Variants in RBFOX2 observed in about 807,000 individuals in gnomAD.
RBFOX2 encodes RNA binding fox-1 homolog 2.
A neutral mutation model predicts 49.1 loss-of-function variants in RBFOX2; 10 were observed. The observed-to-expected ratio is 0.20, with a 90% confidence interval of 0.13 to 0.35. RBFOX2 has a LOEUF of 0.35. RBFOX2 is among the 10% of genes least tolerant of loss of function. The probability of loss-of-function intolerance (pLI) is 1.00; values close to 1 mark genes in which losing one functional copy is unlikely to be tolerated. For missense variants in RBFOX2, 323 were observed against 486.9 expected, an observed-to-expected ratio of 0.66 and a Z score of 3.17; for synonymous variants, 183 against 187.4, an observed-to-expected ratio of 0.98 and a Z score of 0.19.
chr22:35,955,752 T>C (rs2055479863), intron 1 of RBFOX2, among the ~76,000 whole-genome samples: 1 of 152,064 alleles, frequency 6.6e-6, no homozygotes, highest in African/African-American at 2.4e-5. Flanking sequence ...CCGTGTGGCC[T>C]GGTTCCTAAC....
intron 2 of RBFOX2, among the ~76,000 whole-genome samples, chr22:35,786,432 T>C (rs144398853): frequency 2.2e-4 from 34 of 152,308 alleles, no homozygotes; most frequent in African/African-American, 7.5e-4. Context: ...CATACATAGA[T>C]AAAAATACAT....
chr22:35,897,995 T>C (rs778165547), intron 1 of RBFOX2: 4 of 743,268 alleles, frequency 5.4e-6, no homozygotes, highest in Non-Finnish European at 7.3e-6. Context: ...TCAAAGTTTT[T>C]GGTTTCCCAG....
intron 1 of RBFOX2, among the ~76,000 whole-genome samples, chr22:35,956,220 T>A (rs1305045701): frequency 6.6e-6 from 1 of 152,332 alleles, no homozygotes. Flanking sequence ...ACCAATCTCA[T>A]CTGAAAAGTC....
intron 1 of RBFOX2, chr22:35,961,534 A>C (rs2056207597): frequency 1.5e-6 from 2 of 1,300,614 alleles, no homozygotes. Context: ...CCACTCCACC[A>C]CCCCCCACAC....
chr22:35,783,745 C>A lies in RBFOX2; in HGVS notation c.253-1999G>T, dbSNP rs1945753393. On this transcript the variant is annotated intron_variant, in intron 2 of 11. Coordinates refer to ENST00000405409, the Ensembl canonical transcript of RBFOX2. ...AGACACCACGTGTCCTGCATGGAAT[C>A]ACTGATTGGCCAATAGCAGGGCCCA... 3.3e-5 allele frequency among the ~76,000 whole-genome samples: 5 copies of A among 152,196 alleles called. No homozygotes were observed. The South Asian group carries it at 1.0e-3, about 32-fold the overall frequency.
chr22:35,957,969 A>G (rs965503174), intron 1 of RBFOX2, among the ~76,000 whole-genome samples: 6 of 152,212 alleles, frequency 3.9e-5, no homozygotes, highest in African/African-American at 1.4e-4. Flanking sequence ...AAAAAACAAA[A>G]GATACCTCTT....
chr22:35,788,945 T>C (rs540862128), intron 2 of RBFOX2, among the ~76,000 whole-genome samples: 22 of 152,306 alleles, frequency 1.4e-4, no homozygotes, highest in African/African-American at 5.1e-4. Context: ...GGTCCTCTAA[T>C]TTTCACATCT....
chr22:35,905,827 T>C (rs892635036), intron 1 of RBFOX2, among the ~76,000 whole-genome samples: 4 of 152,296 alleles, frequency 2.6e-5, no homozygotes, highest in African/African-American at 7.2e-5. Flanking sequence ...CAGTCAATGA[T>C]GGAACACATA....
At chr22:35,768,019 G>GCA (rs923628377) in intron 5 of RBFOX2, among the ~76,000 whole-genome samples, 3 of 151,382 alleles carry the variant, frequency 2.0e-5, no homozygotes, top group African/African-American at 4.9e-5. Context: ...ACACACACAC[G>GCA]CACACACACA....
At chr22:35,839,122 GA>G (rs2148824560) in intron 1 of RBFOX2, among the ~76,000 whole-genome samples, 1 of 152,328 alleles carries the variant, frequency 6.6e-6, no homozygotes, top group South Asian at 2.1e-4. Context: ...AACCTGGAGT[GA>G]AACTGATCTT....
intron 2 of RBFOX2, among the ~76,000 whole-genome samples, chr22:35,785,111 C>T (rs928189850): frequency 1.3e-5 from 2 of 152,188 alleles, no homozygotes; most frequent in Non-Finnish European, 2.9e-5. Context: ...GATCCTCCCA[C>T]CTCAGCCTCC....
At chr22:36,008,120 G>A (rs1357733834) in intron 1 of RBFOX2, among the ~76,000 whole-genome samples, 1 of 152,116 alleles carries the variant, frequency 6.6e-6, no homozygotes, top group Non-Finnish European at 1.5e-5. Context: ...GAAGTTATGT[G>A]ACTTTTCACC....
chr22:35,980,706 A>C (rs145241866), intron 1 of RBFOX2, among the ~76,000 whole-genome samples: 33 of 152,246 alleles, frequency 2.2e-4, no homozygotes, highest in African/African-American at 7.9e-4. Flanking sequence ...CAGACCATAC[A>C]CCATTTACAA....
chr22:35,819,008 T>A (rs1469692631), intron 1 of RBFOX2, among the ~76,000 whole-genome samples: 3 of 152,114 alleles, frequency 2.0e-5, no homozygotes, highest in Non-Finnish European at 4.4e-5. Context: ...CAAAACACAT[T>A]TTGTCTACAA....
intron 1 of RBFOX2, among the ~76,000 whole-genome samples, chr22:35,950,408 A>C (rs923617692): frequency 6.6e-6 from 1 of 152,150 alleles, no homozygotes; most frequent in Admixed American, 6.5e-5. Context: ...TCCAGGTCCC[A>C]TTGTGCTTGC....
chr22:35,973,207 G>A (rs2056972532), intron 1 of RBFOX2, among the ~76,000 whole-genome samples: 1 of 152,122 alleles, frequency 6.6e-6, no homozygotes, highest in Non-Finnish European at 1.5e-5. Context: ...TCCTCCATGA[G>A]CCTTCTTTGA....
chr22:35,751,963 C>T (rs967912740), intron 9 of RBFOX2, among the ~76,000 whole-genome samples: 1 of 152,160 alleles, frequency 6.6e-6, no homozygotes, highest in African/African-American at 2.4e-5. Flanking sequence ...GAAAAGCCAT[C>T]GACTATTTTC....
intron 1 of RBFOX2, among the ~76,000 whole-genome samples, chr22:35,867,308 A>C (rs1331893010): frequency 6.6e-6 from 1 of 152,252 alleles, no homozygotes; most frequent in Non-Finnish European, 1.5e-5. Context: ...AGTTTAATGA[A>C]AACAAAATCT....
intron 1 of RBFOX2, among the ~76,000 whole-genome samples, chr22:35,934,139 G>A (rs879218016): frequency 6.6e-6 from 1 of 150,980 alleles, no homozygotes; most frequent in East Asian, 1.9e-4. Flanking sequence ...AAATTGCTCT[G>A]AATGTCATCA....
Sources: gnomAD v4.1 joint callset for allele counts (sites outside exome capture counted in the v4.1 genomes callset) on GRCh38, gnomAD v4.1.1 for gene constraint, MANE v1.5 for transcripts, NCBI Gene and HGNC (gene_info 2026-07-23, HGNC 2026-07-21) for gene names.